The following AIG1 variants were observed in gnomAD, a reference collection of about 807,000 sequenced individuals.
The protein encoded by AIG1 is androgen-induced gene 1 protein.
A neutral mutation model predicts 31.4 loss-of-function variants in AIG1; 23 were observed. That is an observed-to-expected ratio of 0.73 (90% CI 0.53 to 1.04). The LOEUF is 1.04. Among genes scored for constraint, AIG1 ranks in the 50% least tolerant of loss-of-function variants. AIG1 has a pLI of 0.00. For missense variants in AIG1, 274 were observed against 295.0 expected, an observed-to-expected ratio of 0.93 and a Z score of 0.52; for synonymous variants, 100 against 110.5, an observed-to-expected ratio of 0.90 and a Z score of 0.60.
intron 3 of AIG1, among the ~76,000 whole-genome samples, chr6:143,270,512 G>A (rs144288111): frequency 1.6e-3 from 243 of 152,236 alleles, no homozygotes; most frequent in South Asian, 3.9e-3. Context: ...CAAAGACTAC[G>A]GAGAAAAGGT....
At chr6:143,335,382 A>C (rs1777398504) in intron 5 of AIG1, 1 of 207,272 alleles carries the variant, frequency 4.8e-6, no homozygotes, top group Non-Finnish European at 9.6e-6. Flanking sequence ...AAATACAAAA[A>C]TTAGCCAGGC....
At chr6:143,289,390 T>G (rs1162995871) in intron 4 of AIG1, among the ~76,000 whole-genome samples, 1 of 152,134 alleles carries the variant, frequency 6.6e-6, no homozygotes, top group Non-Finnish European at 1.5e-5. Flanking sequence ...TCCTGGTCAG[T>G]TGTGCCTAAA....
intron 3 of AIG1, among the ~76,000 whole-genome samples, chr6:143,169,982 GT>G (rs1355453958): frequency 6.6e-6 from 1 of 151,974 alleles, no homozygotes; most frequent in Non-Finnish European, 1.5e-5. Context: ...GTTGGATTTG[GT>G]TTGGTAGTAT....
Position 143,062,977 on chromosome 6 carries a change from C to A in AIG1, c.141+1911C>A, listed in dbSNP as rs1405553082. On this transcript the variant is annotated intron_variant, in intron 1 of 5. Coordinates refer to ENST00000357847, the MANE Select transcript of AIG1 (RefSeq NM_016108.4). ...GAAACAGCCCTCAGCATCACTCTTGCAGTAGATGCTGTGTTGTGGGAGCAA... is the reference window on the plus strand; with the variant it reads ...GAAACAGCCCTCAGCATCACTCTTGAAGTAGATGCTGTGTTGTGGGAGCAA... Among the ~76,000 whole-genome samples, 4 of 152,140 alleles carry A rather than the reference C, an allele frequency of 2.6e-5. 1 individual carries two copies. The South Asian group carries it at 8.3e-4, about 31-fold the overall frequency.
chr6:143,119,048 A>T (rs943868557), intron 1 of AIG1, among the ~76,000 whole-genome samples: 1 of 151,786 alleles, frequency 6.6e-6, no homozygotes, highest in African/African-American at 2.4e-5. Flanking sequence ...TAGTTTTTCT[A>T]TTTTTTGTAG....
chr6:143,230,743 CTA>C (rs1485827111), intron 3 of AIG1, among the ~76,000 whole-genome samples: 2 of 151,950 alleles, frequency 1.3e-5, no homozygotes, highest in Non-Finnish European at 2.9e-5. Flanking sequence ...TTTCAAAATA[CTA>C]TAATAGCATA....
intron 1 of AIG1, among the ~76,000 whole-genome samples, chr6:143,108,438 G>A (rs540449186): frequency 2.0e-5 from 3 of 152,268 alleles, no homozygotes; most frequent in South Asian, 2.1e-4. Context: ...CACAACAAGC[G>A]AAATAGAATG....
Position 143,171,383 on chromosome 6 carries a change from A to G in AIG1, c.399+6200A>G, listed in dbSNP as rs755150533. On this transcript the variant is annotated intron_variant, in intron 3 of 5. Coordinates refer to ENST00000357847, the MANE Select transcript of AIG1 (RefSeq NM_016108.4). The stretch of plus-strand genomic sequence containing the variant: ...AAATGCCAGTATTTTATTCCTTTTT[A>G]TGGCTGCGTAGTATTCAATAGTGTG... 5.0e-5 allele frequency among the ~76,000 whole-genome samples: 7 copies of G among 139,902 alleles called. 1 individual carries two copies. Among genetic ancestry groups the G allele is most frequent in the Non-Finnish European group, 7.6e-5 (5 of 65,940 alleles). The allele number at this position is 139,902 out of a possible 152,430, so 91.8% of individuals were successfully genotyped here.
chr6:143,198,423 C>T (rs1478511638), intron 3 of AIG1, among the ~76,000 whole-genome samples: 1 of 152,166 alleles, frequency 6.6e-6, no homozygotes, highest in East Asian at 1.9e-4. Context: ...ATGCAGACAA[C>T]GTTTGATTAT....
chr6:143,170,703 G>T (rs1466923468), intron 3 of AIG1, among the ~76,000 whole-genome samples: 1 of 149,788 alleles, frequency 6.7e-6, no homozygotes, highest in Non-Finnish European at 1.5e-5. Context: ...TGCTTTTCTA[G>T]TTCCTTGAGG....
chr6:143,072,556 T>G (rs1777387210), intron 1 of AIG1, among the ~76,000 whole-genome samples: 1 of 152,130 alleles, frequency 6.6e-6, no homozygotes, highest in Non-Finnish European at 1.5e-5. Flanking sequence ...CTTTTGCAAT[T>G]AAGTATGATG....
chr6:143,172,267 T>C (rs531625505), intron 3 of AIG1, among the ~76,000 whole-genome samples: 1 of 152,344 alleles, frequency 6.6e-6, no homozygotes, highest in African/African-American at 2.4e-5. Context: ...CCTAAGCCAA[T>C]GTCTAGAAGG....
intron 3 of AIG1, among the ~76,000 whole-genome samples, chr6:143,205,371 CTG>C (rs1791032250): frequency 6.6e-6 from 1 of 152,184 alleles, no homozygotes; most frequent in African/African-American, 2.4e-5. Flanking sequence ...GGCTTGGCTC[CTG>C]TTGTATCCAC....
intron 3 of AIG1, among the ~76,000 whole-genome samples, chr6:143,273,634 G>A (rs929375763): frequency 5.9e-5 from 9 of 152,148 alleles, no homozygotes; most frequent in Non-Finnish European, 1.0e-4. Flanking sequence ...ACGTGACTGC[G>A]GAGGCCTCAC....
rs10537250 is a variant in AIG1 at position 143,207,519 on chromosome 6, TACAC to T, written c.399+42359_399+42362del. ...TTTAGATTTCCCGTAACCATTACAATACACACACACACACACACACACACACCCC... is the reference window on the plus strand; with the variant it reads ...TTTAGATTTCCCGTAACCATTACAATACACACACACACACACACACACCCC... On this transcript the variant is annotated intron_variant, in intron 3 of 5. Coordinates refer to ENST00000357847, the MANE Select transcript of AIG1 (RefSeq NM_016108.4). Among the ~76,000 whole-genome samples the T allele has an allele frequency of 9.9e-4, 147 of 148,466 alleles. 1 individual carries two copies. Among genetic ancestry groups the T allele is most frequent in the Admixed American group, 2.6e-3 (38 of 14,866 alleles).
chr6:143,175,468 A>G (rs1257680530), intron 3 of AIG1, among the ~76,000 whole-genome samples: 6 of 152,216 alleles, frequency 3.9e-5, no homozygotes, highest in Non-Finnish European at 2.9e-5. Flanking sequence ...ATTTAACACA[A>G]TCCCAAACTT....
intron 2 of AIG1, among the ~76,000 whole-genome samples, chr6:143,141,146 G>T (rs1025313949): frequency 2.0e-5 from 3 of 152,242 alleles, no homozygotes; most frequent in African/African-American, 7.2e-5. Context: ...CCTCTGTACA[G>T]CTGGATTTAT....
chr6:143,342,113 C>T (rs1450295918), downstream of AIG1: 9 of 441,532 alleles, frequency 2.0e-5, no homozygotes, highest in Non-Finnish European at 2.9e-5. Context: ...TTCGTAGAGA[C>T]GGGTTTCTCC....
chr6:143,093,548 T>A (rs867686491), intron 1 of AIG1, among the ~76,000 whole-genome samples: 3 of 152,270 alleles, frequency 2.0e-5, no homozygotes, highest in Non-Finnish European at 4.4e-5. Flanking sequence ...GTAGTACTTT[T>A]AATTTCTTTC....
Sources: allele counts gnomAD v4.1 joint callset (sites outside exome capture counted in the v4.1 genomes callset), GRCh38; gene constraint gnomAD v4.1.1; transcripts MANE v1.5; gene names NCBI Gene and HGNC (gene_info 2026-07-23, HGNC 2026-07-21).